Variants in PRKAB2 observed in about 807,000 individuals in gnomAD.
PRKAB2 encodes 5'-AMP-activated protein kinase subunit beta-2.
A neutral mutation model predicts 29.8 loss-of-function variants in PRKAB2; 18 were observed. The observed-to-expected ratio is 0.60, with a 90% CI of 0.42 to 0.89. PRKAB2 has a LOEUF of 0.89. Among genes scored for constraint, PRKAB2 ranks in the 40% least tolerant of loss-of-function variants. The pLI, the probability that PRKAB2 is intolerant of heterozygous loss-of-function variation, is 0.00. For missense variants in PRKAB2, 270 were observed against 344.3 expected, an observed-to-expected ratio of 0.78 and a Z score of 1.71; for synonymous variants, 136 against 125.9, an observed-to-expected ratio of 1.08 and a Z score of -0.54.
chr1:147,160,552 G>A (rs782185836), intron 7 of PRKAB2, among the ~76,000 whole-genome samples: 17 of 152,094 alleles, frequency 1.1e-4, no homozygotes, highest in Non-Finnish European at 2.1e-4. Context: ...ACCTTCCCCC[G>A]TACTGTATTA....
At position 147,167,703 on chromosome 1, in the gene PRKAB2, C is replaced by A. The variant is rs1409247529; in HGVS notation, c.323+64G>T. On this transcript the variant is annotated intron_variant, in intron 3 of 7. Transcript: ENST00000254101. ...TGGAGAAAAGTCCAGCTGGGTCTCTCTTCTGAGAAAAGAAATCAGGTCTCT... is the reference window on the plus strand; with the variant it reads ...TGGAGAAAAGTCCAGCTGGGTCTCTATTCTGAGAAAAGAAATCAGGTCTCT... 8.4e-6 allele frequency: 13 copies of A among 1,547,132 alleles called. No individual in the cohort carries two copies. In the South Asian group the frequency reaches 1.5e-4, roughly 18 times the overall value.
At chr1:147,167,625 A>T in intron 3 of PRKAB2, 142 bp downstream of exon 3, 1 of 960,240 alleles carries the variant, frequency 1.0e-6, no homozygotes, top group South Asian at 1.9e-5. Flanking sequence ...AATCCCACAG[A>T]TATACTAAGT....
chr1:147,159,681 TCA>T (rs1553912862), intron 7 of PRKAB2, 39 bp from the exon 8 acceptor site: 1 of 1,569,148 alleles, frequency 6.4e-7, no homozygotes, highest in East Asian at 2.2e-5. Context: ...ATTCATTACT[TCA>T]GACAGTAGGT....
Sources: gnomAD v4.1 joint callset for allele counts (sites outside exome capture counted in the v4.1 genomes callset) on GRCh38, gnomAD v4.1.1 for gene constraint, MANE v1.5 for transcripts, NCBI Gene and HGNC (gene_info 2026-07-23, HGNC 2026-07-21) for gene names.